Variants in SDK1 observed in about 807,000 individuals in gnomAD.
SDK1 encodes sidekick cell adhesion molecule 1, also known as protein sidekick-1.
A neutral mutation model predicts 245.5 loss-of-function variants in SDK1; 157 were observed. The observed-to-expected ratio is 0.64, with a 90% CI of 0.56 to 0.73. SDK1 has a LOEUF of 0.73. SDK1 is among the 30% of genes least tolerant of loss of function. The pLI is 0.00. For synonymous variants in SDK1, 1,647 were observed against 1,278.5 expected (o/e 1.29, Z -6.15); for missense variants, 3,583 against 3,002.3 (o/e 1.19, Z -4.52).
intron 42 of SDK1, among the ~76,000 whole-genome samples, chr7:4,240,797 G>A (rs776642167): frequency 5.9e-5 from 9 of 152,258 alleles, no homozygotes; most frequent in South Asian, 2.1e-4. Flanking sequence ...GTCTCAGGGC[G>A]TTTGAGCTGT....
chr7:4,172,617 C>T (rs1011731407), intron 32 of SDK1, among the ~76,000 whole-genome samples: 1 of 152,164 alleles, frequency 6.6e-6, no homozygotes, highest in South Asian at 2.1e-4. Flanking sequence ...CAAGTTACTA[C>T]GCATTAGGTG....
At chr7:3,771,413 C>T (rs1388825136) in intron 4 of SDK1, among the ~76,000 whole-genome samples, 1 of 152,126 alleles carries the variant, frequency 6.6e-6, no homozygotes, top group African/African-American at 2.4e-5. Context: ...TTGCAAAGAG[C>T]AGAGGTACAG....
intron 5 of SDK1, among the ~76,000 whole-genome samples, chr7:3,950,643 A>C (rs1178394737): frequency 6.6e-6 from 1 of 152,162 alleles, no homozygotes; most frequent in African/African-American, 2.4e-5. Flanking sequence ...TGTTCCAATA[A>C]ACCCACCGGA....
chr7:3,710,406 C>T (rs1400030461), intron 4 of SDK1, among the ~76,000 whole-genome samples: 1 of 152,134 alleles, frequency 6.6e-6, no homozygotes, highest in African/African-American at 2.4e-5. Context: ...GGAAAAAAGC[C>T]ATTGCTCAAA....
At chr7:3,699,575 A>G (rs1784681712) in intron 4 of SDK1, among the ~76,000 whole-genome samples, 1 of 152,206 alleles carries the variant, frequency 6.6e-6, no homozygotes, top group South Asian at 2.1e-4. Context: ...AAAAAATAGA[A>G]AATACTTGAT....
intron 1 of SDK1, among the ~76,000 whole-genome samples, chr7:3,482,091 T>C (rs1000649748): frequency 6.6e-6 from 1 of 152,152 alleles, no homozygotes; most frequent in East Asian, 1.9e-4. Flanking sequence ...CAGGGACATA[T>C]CCTACCAGAC....
intron 4 of SDK1, among the ~76,000 whole-genome samples, chr7:3,749,363 G>A (rs1046917407): frequency 6.6e-6 from 1 of 151,524 alleles, no homozygotes; most frequent in Admixed American, 6.6e-5. Context: ...GCAATGGCAC[G>A]ATCTCAGCTC....
chr7:3,943,245 G>T (rs1011964369), intron 5 of SDK1, among the ~76,000 whole-genome samples: 3 of 149,174 alleles, frequency 2.0e-5, no homozygotes, highest in South Asian at 2.2e-4. Flanking sequence ...TAACAAAAGT[G>T]GGGGAGCAAC....
In SDK1 at chr7:3,450,929, C is replaced by G. The variant is rs541286921; in HGVS notation, c.298+149045C>G. On this transcript the variant is annotated intron_variant, in intron 1 of 44. Coordinates refer to ENST00000404826, the MANE Select transcript of SDK1 (RefSeq NM_152744.4). ...AGGAAGAGAGGAGTTTTGCGGAAGC[C>G]AAAGGAGGAGAAAGTTTCATAAAGG... Among the ~76,000 whole-genome samples the G allele has an allele frequency of 5.9e-5, 9 of 152,044 alleles. No homozygotes were observed. In the South Asian group the frequency reaches 1.9e-3, roughly 32 times the overall value.
intron 32 of SDK1, among the ~76,000 whole-genome samples, chr7:4,162,435 C>G (rs181662718): frequency 2.0e-5 from 3 of 150,558 alleles, no homozygotes; most frequent in Admixed American, 1.3e-4. Context: ...GAGTCTCACT[C>G]TGTCACCAGG....
At chr7:3,613,048 T>A (rs1781653501) in intron 1 of SDK1, among the ~76,000 whole-genome samples, 1 of 152,230 alleles carries the variant, frequency 6.6e-6, no homozygotes, top group Non-Finnish European at 1.5e-5. Flanking sequence ...GGAAGCTCTC[T>A]TGGGCAGAGT....
Position 3,651,130 on chromosome 7 carries a change from G to GTT in SDK1, c.713+9040_713+9041dup, listed in dbSNP as rs35272140. Among the ~76,000 whole-genome samples the GTT allele has an allele frequency of 6.8e-3, 962 of 142,140 alleles. 7 individuals are homozygous for GTT. Among genetic ancestry groups the GTT allele is most frequent in the African/African-American group, 0.013 (511 of 38,430 alleles). 93.2% of individuals were successfully genotyped at this position (142,140 alleles called of 152,430 possible). Reference sequence around the variant, plus strand: ...TATGGTATTTGCATGTTTAGTTTTAGTTTTTTTTTTTTTTTTAAATGCCAA... The same window carrying GTT: ...TATGGTATTTGCATGTTTAGTTTTAGTTTTTTTTTTTTTTTTTTAAATGCCAA... On this transcript the variant is annotated intron_variant, in intron 4 of 44. Transcript: ENST00000404826.
At chr7:3,685,194 T>C (rs145030764) in intron 4 of SDK1, among the ~76,000 whole-genome samples, 2 of 135,670 alleles carry the variant, frequency 1.5e-5, no homozygotes, top group Non-Finnish European at 3.1e-5. Flanking sequence ...ACATCATAAA[T>C]AAACTTGTGA....
At chr7:3,798,367 G>A (rs563253913) in intron 4 of SDK1, among the ~76,000 whole-genome samples, 32 of 151,742 alleles carry the variant, frequency 2.1e-4, no homozygotes, top group African/African-American at 6.5e-4. Context: ...ACAGGCGCCC[G>A]CCACCACGCC....
rs540664163 is a variant in SDK1, at chr7:3,945,006, C to A, written c.848-5917C>A. Among the ~76,000 whole-genome samples the A allele has an allele frequency of 2.0e-5, 3 of 152,296 alleles. No individual in the cohort carries two copies. The South Asian group carries it at 6.2e-4, about 32-fold the overall frequency. On this transcript the variant is annotated intron_variant, in intron 5 of 44. Transcript: ENST00000404826. ...AGTCTATGTTGTAATCCCAGCTACT[C>A]AGGAGGCTGAGGCAGGAGAATCACT...
chr7:3,576,063 C>A (rs1173030612), intron 1 of SDK1, among the ~76,000 whole-genome samples: 1 of 152,026 alleles, frequency 6.6e-6, no homozygotes, highest in African/African-American at 2.4e-5. Context: ...TGAGGAAAAT[C>A]ACAAACCTGA....
At chr7:3,864,023 G>A (rs1390626237) in intron 5 of SDK1, among the ~76,000 whole-genome samples, 2 of 152,200 alleles carry the variant, frequency 1.3e-5, no homozygotes, top group Non-Finnish European at 2.9e-5. Flanking sequence ...TTTCCACAAT[G>A]ATCACAGTGG....
intron 5 of SDK1, among the ~76,000 whole-genome samples, chr7:3,941,119 C>A (rs918124290): frequency 6.6e-6 from 1 of 152,114 alleles, no homozygotes; most frequent in Non-Finnish European, 1.5e-5. Flanking sequence ...CACCAAGCAG[C>A]TCAAGCGAGA....
At chr7:3,803,307 CTTTCTTTCT>C (rs1400300422) in intron 4 of SDK1, among the ~76,000 whole-genome samples, 1 of 149,442 alleles carries the variant, frequency 6.7e-6, no homozygotes, top group Admixed American at 6.7e-5. Flanking sequence ...TTCTTTCTTT[CTTTCTTTCT>C]TTTTTTTTTT....
Sources: gnomAD v4.1 joint callset for allele counts (sites outside exome capture counted in the v4.1 genomes callset) on GRCh38, gnomAD v4.1.1 for gene constraint, MANE v1.5 for transcripts, NCBI Gene and HGNC (gene_info 2026-07-23, HGNC 2026-07-21) for gene names.